DAPK1: variants seen among roughly 807,000 people sequenced by gnomAD.
DAPK1 encodes the protein death-associated protein kinase 1.
A neutral mutation model predicts 144.9 loss-of-function variants in DAPK1; 56 were observed. The ratio of observed to expected loss-of-function variants is 0.39; its 90% CI spans 0.31 to 0.48. The LOEUF (loss-of-function observed/expected upper bound fraction) is 0.48. DAPK1 is among the 20% of genes least tolerant of loss of function. The probability of loss-of-function intolerance (pLI) is 0.95; values close to 1 mark genes in which losing one functional copy is unlikely to be tolerated. For synonymous variants in DAPK1, 690 were observed against 749.0 expected (o/e 0.92, Z 1.29); for missense variants, 1,454 against 1,875.4 (o/e 0.78, Z 4.15).
At chr9:87,612,777 G>A (rs1015252245) in intron 3 of DAPK1, among the ~76,000 whole-genome samples, 1 of 152,214 alleles carries the variant, frequency 6.6e-6, no homozygotes, top group Non-Finnish European at 1.5e-5. Context: ...AGCCTGAGCA[G>A]AGAAGGATTG....
chr9:87,632,708 G>C (rs1345292656), intron 3 of DAPK1: 1 of 979,976 alleles, frequency 1.0e-6, no homozygotes, highest in Non-Finnish European at 1.2e-6. Flanking sequence ...AGGAAGATGA[G>C]TATACATGTA....
rs35875159 is a variant in DAPK1 at position 87,589,055 on chromosome 9, ATT to A, written c.63-15876_63-15875del. ...AGGCATGTACCACCACGCCCGGCTA[ATT>A]TTTTTTTTTTTTTTTTTTTTTTGGT... On this transcript the variant is annotated intron_variant, in intron 2 of 25. Coordinates refer to ENST00000408954, the MANE Select transcript of DAPK1 (RefSeq NM_004938.4). Among the ~76,000 whole-genome samples the A allele has an allele frequency of 3.0e-3, 303 of 101,160 alleles. 2 individuals carry two copies. The highest frequency in any genetic ancestry group is 5.5e-3 in the Middle Eastern group (1 of 182). 66.4% of individuals were successfully genotyped at this position (101,160 alleles called of 152,430 possible).
intron 3 of DAPK1, among the ~76,000 whole-genome samples, chr9:87,621,730 C>G (rs982642903): frequency 6.6e-6 from 1 of 152,098 alleles, no homozygotes; most frequent in African/African-American, 2.4e-5. Flanking sequence ...TGACTCTGGG[C>G]TTTTTTCTCT....
At chr9:87,694,239 T>C (rs954123117) in intron 21 of DAPK1, among the ~76,000 whole-genome samples, 13 of 152,094 alleles carry the variant, frequency 8.5e-5, no homozygotes, top group African/African-American at 3.1e-4. Context: ...TACCTAGCCC[T>C]GCAGGTGGCA....
intron 2 of DAPK1, among the ~76,000 whole-genome samples, chr9:87,584,675 T>TGTGG (rs1827878333): frequency 7.2e-6 from 1 of 139,444 alleles, no homozygotes; most frequent in Non-Finnish European, 1.6e-5. Flanking sequence ...TGTGTGTGTG[T>TGTGG]GTGTGTGTGT....
rs150105262 is a variant in DAPK1 at position 87,611,674 on chromosome 9, C to G, written c.284+6499C>G. Among the ~76,000 whole-genome samples the G allele has an allele frequency of 1.8e-4, 28 of 152,272 alleles. No individual in the cohort carries two copies. In the East Asian group the frequency reaches 2.5e-3, roughly 14 times the overall value. ...GTCATTTTGTTGCTCAGGCTGGTCT[C>G]GACCTCCTGGGCTTATGCAGCCCTC... is the stretch of plus-strand genomic sequence containing the variant. On this transcript the variant is annotated intron_variant, in intron 3 of 25. Transcript: ENST00000408954.
At chr9:87,544,176 T>C (rs555933343) in intron 2 of DAPK1, among the ~76,000 whole-genome samples, 40 of 152,258 alleles carry the variant, frequency 2.6e-4, no homozygotes, top group Admixed American at 7.8e-4. Context: ...TCATGAGTTT[T>C]AGTTAATAAG....
At chr9:87,604,175 G>A (rs1005416105) in intron 2 of DAPK1, among the ~76,000 whole-genome samples, 1 of 152,112 alleles carries the variant, frequency 6.6e-6, no homozygotes. Flanking sequence ...GCTTTGAGGG[G>A]GGGGTTCTGT....
chr9:87,509,853 C>T (rs1824765499), intron 2 of DAPK1, among the ~76,000 whole-genome samples: 1 of 152,210 alleles, frequency 6.6e-6, no homozygotes, highest in African/African-American at 2.4e-5. Context: ...CCTTCTGCAC[C>T]ACAGCACATG....
intron 3 of DAPK1, among the ~76,000 whole-genome samples, 182 bp downstream of exon 3, chr9:87,605,357 C>T (rs1275532008): frequency 1.3e-5 from 2 of 152,168 alleles, no homozygotes; most frequent in African/African-American, 4.8e-5. Flanking sequence ...GGATCTAGAA[C>T]AAACTCTAAA....
Position 87,706,713 on chromosome 9 carries a change from G to A in DAPK1, c.3642G>A (p.Ser1214=), listed in dbSNP as rs558454005. The change falls in exon 26 of 26, where the codon TCG becomes TCA. Residue 1214 remains serine (S), a synonymous_variant. Transcript: ENST00000408954. This position sits in a 1 kb window ranked among gnomAD's most constrained non-coding sequence, Gnocchi z 9.0. The stretch of plus-strand genomic sequence containing the variant: ...TCAAGTGCTGCCTGCTGCTGGACTC[G>A]GTGTGCAGCACCATTGAGAACGTCA... ...EKIKCCLLLD[S]VCSTIENVMA... The A allele has an allele frequency of 8.1e-6, 13 of 1,611,864 alleles. No individual in the cohort carries two copies. Among genetic ancestry groups the A allele is most frequent in the South Asian group, 5.5e-5 (5 of 91,040 alleles).
Position 87,703,135 on chromosome 9 carries a change from A to G in DAPK1, c.2978A>G (p.Tyr993Cys). ...CTGATGTCGCTGCAGCAGTTTGTGT[A>G]CGACGTGCAGGACCAGCTGAACCCC... ...NQLMSLQQFV[Y>C]DVQDQLNPLA... Residue 993 changes from tyrosine (Y) to cysteine (C), a missense_variant, in exon 25 of 26, where the codon TAC becomes TGC. Physicochemically the swap from Tyr to Cys is radical, Grantham distance 194. This residue lies in a region of DAPK1 where 1,025 missense variants were observed against 1,237.9 expected (regional missense o/e 0.83). Transcript: ENST00000408954. The G allele has an allele frequency of 6.2e-7, 1 of 1,609,738 alleles. No homozygotes were observed. Among genetic ancestry groups the G allele is most frequent in the East Asian group, 2.2e-5 (1 of 44,844 alleles).
chr9:87,597,078 C>T (rs1211233417), intron 2 of DAPK1, among the ~76,000 whole-genome samples: 1 of 152,204 alleles, frequency 6.6e-6, no homozygotes, highest in African/African-American at 2.4e-5. Flanking sequence ...GCCTGGGCTT[C>T]TCCCAGCTTG....
chr9:87,499,142 A>G lies in DAPK1; in HGVS notation c.62+3A>G, dbSNP rs1214879029. 6.2e-7 allele frequency: 1 copy of G among 1,613,232 alleles called. No individual in the cohort carries two copies. Among genetic ancestry groups the G allele is most frequent in the Non-Finnish European group, 8.5e-7 (1 of 1,179,312 alleles). On this transcript the variant is annotated splice_donor_region_variant and intron_variant, in intron 2 of 25. Transcript: ENST00000408954. Reference sequence around the variant, plus strand: ...GACACCGGCGAGGAACTTGGCAGGTAAAGGGGGTACCAGAAGCGTACCCTC... The same window carrying G: ...GACACCGGCGAGGAACTTGGCAGGTGAAGGGGGTACCAGAAGCGTACCCTC...
intron 2 of DAPK1, among the ~76,000 whole-genome samples, chr9:87,578,189 G>A (rs575659825): frequency 6.6e-6 from 1 of 152,190 alleles, no homozygotes; most frequent in African/African-American, 2.4e-5. Context: ...CCCATTAAAT[G>A]TTAACATTTT....
At chr9:87,646,711 G>A in intron 13 of DAPK1, 152 bp downstream of exon 13, 2 of 613,690 alleles carry the variant, frequency 3.3e-6, no homozygotes, top group Non-Finnish European at 5.7e-6. Flanking sequence ...GCTTGGTACA[G>A]CCTGACACAT....
intron 3 of DAPK1, among the ~76,000 whole-genome samples, chr9:87,626,442 AAC>A (rs1394925448): frequency 2.4e-5 from 1 of 41,664 alleles, no homozygotes; most frequent in African/African-American, 1.9e-4. Flanking sequence ...ACAAACAAAA[AAC>A]AACAACAACA....
At position 87,707,971 on chromosome 9, in the gene DAPK1, G is replaced by A. The variant is rs922384811; in HGVS notation, c.*607G>A. On this transcript the variant is annotated 3_prime_UTR_variant, in exon 26 of 26. Transcript: ENST00000408954. This position sits in a 1 kb window ranked among gnomAD's most constrained non-coding sequence, Gnocchi z 4.0. ...GTCACCAAGGAAACGCTACCTCTCT[G>A]TCCCTTGCTGTATGCTGATCATCGC... 15 of 434,142 alleles carry A rather than the reference G, an allele frequency of 3.5e-5. No individual in the cohort carries two copies. Among genetic ancestry groups the A allele is most frequent in the Non-Finnish European group, 6.0e-5 (13 of 217,598 alleles). 26.9% of individuals were successfully genotyped at this position (434,142 alleles called of 1,614,324 possible).
intron 2 of DAPK1, among the ~76,000 whole-genome samples, chr9:87,598,792 C>T (rs925899982): frequency 6.6e-6 from 1 of 152,192 alleles, no homozygotes; most frequent in Non-Finnish European, 1.5e-5. Context: ...GCACCAGGAA[C>T]TATAGAAGAC....
Sources: gnomAD v4.1 joint callset for allele counts (sites outside exome capture counted in the v4.1 genomes callset) on GRCh38, gnomAD v4.1.1 for gene constraint, gnomAD v4.1.1 regional missense constraint, Gnocchi (gnomAD v3.1) non-coding constraint, MANE v1.5 for transcripts, NCBI Gene and HGNC (gene_info 2026-07-23, HGNC 2026-07-21) for gene names.